NRG3: variants seen among roughly 807,000 people sequenced by gnomAD.
NRG3 encodes the protein neuregulin 3.
NRG3 carries 31 observed loss-of-function variants against 66.9 expected under a neutral mutation model. The observed-to-expected ratio is 0.46, with a 90% CI of 0.35 to 0.63. The LOEUF (loss-of-function observed/expected upper bound fraction) is 0.63, where lower values mean the gene tolerates loss of function less well. Ranked by LOEUF, NRG3 falls within the 20% of genes least tolerant of loss-of-function variation. The pLI is 0.00. For synonymous variants in NRG3, 393 were observed against 359.4 expected (o/e 1.09, Z -1.06); for missense variants, 910 against 878.9 (o/e 1.04, Z -0.45).
intron 2 of NRG3, among the ~76,000 whole-genome samples, chr10:82,441,551 A>G (rs1564924997): frequency 6.6e-6 from 1 of 152,182 alleles, no homozygotes; most frequent in Admixed American, 6.5e-5. Context: ...CAAGAGGCCA[A>G]TTCAATGACT....
chr10:82,821,431 G>A (rs1363790550), intron 3 of NRG3, among the ~76,000 whole-genome samples: 2 of 150,938 alleles, frequency 1.3e-5, no homozygotes, highest in Non-Finnish European at 2.9e-5. Flanking sequence ...CCTAAATTAT[G>A]AATCTTTGTC....
chr10:82,845,497 G>A (rs926452190), intron 3 of NRG3, among the ~76,000 whole-genome samples: 4 of 151,914 alleles, frequency 2.6e-5, no homozygotes, highest in South Asian at 2.1e-4. Context: ...GCTTATACGT[G>A]TAAGGCACAA....
intron 1 of NRG3, among the ~76,000 whole-genome samples, chr10:81,977,619 A>C (rs910462824): frequency 6.6e-6 from 1 of 152,120 alleles, no homozygotes; most frequent in African/African-American, 2.4e-5. Flanking sequence ...TTTCCAAAAT[A>C]CTCTTTGTCA....
At chr10:82,644,930 CCTTT>C (rs1231154065) in intron 2 of NRG3, among the ~76,000 whole-genome samples, 3 of 152,014 alleles carry the variant, frequency 2.0e-5, no homozygotes, top group East Asian at 1.9e-4. Context: ...ACCTAATTTT[CCTTT>C]CTTTCTTTTT....
chr10:82,862,630 C>A (rs980031990), intron 3 of NRG3, among the ~76,000 whole-genome samples: 10 of 152,144 alleles, frequency 6.6e-5, no homozygotes, highest in African/African-American at 2.4e-4. Context: ...GCCCACTCTG[C>A]CTCTCAGATT....
chr10:81,911,100 T>C lies in NRG3; in HGVS notation c.823+34937T>C, dbSNP rs183151369. The stretch of plus-strand genomic sequence containing the variant: ...TTTTATTTGGTTGCCAATGTTATGA[T>C]AGCCATTTCTTTCTCATCAGTTTGG... On this transcript the variant is annotated intron_variant, in intron 1 of 8. Transcript: ENST00000372141. 4.1e-4 allele frequency among the ~76,000 whole-genome samples: 63 copies of C among 152,340 alleles called. 1 individual carries two copies. Among genetic ancestry groups the C allele is most frequent in the African/African-American group, 1.4e-3 (59 of 41,592 alleles).
At chr10:82,631,694 G>A (rs2049851341) in intron 2 of NRG3, among the ~76,000 whole-genome samples, 1 of 151,288 alleles carries the variant, frequency 6.6e-6, no homozygotes, top group African/African-American at 2.4e-5. Context: ...ATAGCCCCAT[G>A]CAGCCTCTGA....
intron 1 of NRG3, among the ~76,000 whole-genome samples, chr10:81,913,839 G>A (rs937466937): frequency 2.6e-5 from 4 of 152,100 alleles, no homozygotes; most frequent in African/African-American, 9.7e-5. Flanking sequence ...TTTTACTCCA[G>A]TGCAGACTTT....
At chr10:82,586,857 T>A (rs996892463) in intron 2 of NRG3, among the ~76,000 whole-genome samples, 3 of 152,180 alleles carry the variant, frequency 2.0e-5, no homozygotes, top group Admixed American at 6.5e-5. Flanking sequence ...ATTTTGAATG[T>A]AATCAAAAAG....
intron 2 of NRG3, among the ~76,000 whole-genome samples, chr10:82,727,003 A>G (rs7091523): frequency 0.022 from 3,351 of 152,206 alleles, 122 homozygotes; most frequent in African/African-American, 0.075. Flanking sequence ...ATATTTGTGC[A>G]ACTTTGAACT....
intron 2 of NRG3, among the ~76,000 whole-genome samples, chr10:82,456,547 A>C (rs2091276947): frequency 6.6e-6 from 1 of 152,080 alleles, no homozygotes; most frequent in Admixed American, 6.6e-5. Context: ...TCACTAGGTA[A>C]TAGAAATTTT....
intron 4 of NRG3, among the ~76,000 whole-genome samples, chr10:82,883,109 G>A (rs1842439078): frequency 6.6e-6 from 1 of 152,142 alleles, no homozygotes; most frequent in Non-Finnish European, 1.5e-5. Flanking sequence ...CGTTTCAAAT[G>A]TAGTTACATA....
At chr10:82,551,877 A>AT (rs112240059) in intron 2 of NRG3, among the ~76,000 whole-genome samples, 20 of 151,540 alleles carry the variant, frequency 1.3e-4, no homozygotes, top group African/African-American at 3.4e-4. Context: ...TTATCCAACT[A>AT]TTTTTTTTCT....
intron 1 of NRG3, among the ~76,000 whole-genome samples, chr10:81,982,203 A>G (rs1468900535): frequency 6.6e-6 from 1 of 152,118 alleles, no homozygotes; most frequent in Admixed American, 6.5e-5. Context: ...GTCACCTACA[A>G]TTTCTACTTT....
intron 2 of NRG3, among the ~76,000 whole-genome samples, chr10:82,360,110 G>A (rs983186423): frequency 2.0e-5 from 3 of 152,136 alleles, no homozygotes; most frequent in African/African-American, 7.2e-5. Context: ...TGGCAGTGCC[G>A]CTGCATTCAC....
intron 2 of NRG3, among the ~76,000 whole-genome samples, chr10:82,419,822 T>G (rs1186345253): frequency 1.3e-5 from 2 of 152,198 alleles, no homozygotes; most frequent in Admixed American, 6.5e-5. Context: ...TGACCCTGTT[T>G]TTCCTCCATA....
At chr10:81,898,953 G>C (rs982638574) in intron 1 of NRG3, among the ~76,000 whole-genome samples, 3 of 152,214 alleles carry the variant, frequency 2.0e-5, no homozygotes, top group Non-Finnish European at 2.9e-5. Flanking sequence ...TGAGTGATTG[G>C]ATTATGGTCA....
chr10:82,952,590 C>T (rs939068097), intron 5 of NRG3, among the ~76,000 whole-genome samples: 1 of 148,774 alleles, frequency 6.7e-6, no homozygotes, highest in African/African-American at 2.5e-5. Flanking sequence ...TTAAGAAATG[C>T]AGATAAAAAT....
chr10:82,706,804 A>G (rs2056318860), intron 2 of NRG3, among the ~76,000 whole-genome samples: 1 of 151,752 alleles, frequency 6.6e-6, no homozygotes, highest in Non-Finnish European at 1.5e-5. Context: ...GACCAGCCTG[A>G]CCAACATGTT....
Sources: allele counts gnomAD v4.1 joint callset (sites outside exome capture counted in the v4.1 genomes callset), GRCh38; gene constraint gnomAD v4.1.1; transcripts MANE v1.5; gene names NCBI Gene and HGNC (gene_info 2026-07-23, HGNC 2026-07-21).